THSD7A: variants seen among roughly 807,000 people sequenced by gnomAD.
The protein encoded by THSD7A is thrombospondin type 1 domain containing 7A.
In THSD7A, 96 loss-of-function variants were observed where a neutral mutation model predicts 231.3. The ratio of observed to expected loss-of-function variants is 0.41; its 90% CI spans 0.35 to 0.49. THSD7A has a LOEUF of 0.49. THSD7A is among the 20% of genes least tolerant of loss of function. The pLI, the probability that THSD7A is intolerant of heterozygous loss-of-function variation, is 0.05. For missense variants in THSD7A, 2,290 were observed against 2,070.2 expected (o/e 1.11, Z -2.06); for synonymous variants, 940 against 743.3 (o/e 1.26, Z -4.30).
intron 17 of THSD7A, among the ~76,000 whole-genome samples, chr7:11,414,360 A>C (rs1359255090): frequency 1.3e-5 from 2 of 152,364 alleles, no homozygotes; most frequent in African/African-American, 2.4e-5. Flanking sequence ...AGGGGGCATA[A>C]AGCTCAATTG....
At chr7:11,765,766 T>C (rs914519378) in intron 1 of THSD7A, among the ~76,000 whole-genome samples, 3 of 152,118 alleles carry the variant, frequency 2.0e-5, no homozygotes, top group Admixed American at 6.5e-5. Context: ...AAACTGGTTA[T>C]GGCCCTCTAG....
chr7:11,520,886 C>A (rs535228919), intron 6 of THSD7A, among the ~76,000 whole-genome samples: 1 of 152,078 alleles, frequency 6.6e-6, no homozygotes, highest in African/African-American at 2.4e-5. Flanking sequence ...AGGCAAAGGT[C>A]TCAGAGGTGG....
chr7:11,530,740 T>G (rs1463165623), intron 6 of THSD7A, among the ~76,000 whole-genome samples: 1 of 152,110 alleles, frequency 6.6e-6, no homozygotes, highest in Admixed American at 6.6e-5. Flanking sequence ...CCAGGCATGG[T>G]GGCTCATGCC....
chr7:11,461,487 T>C (rs1785503309), intron 10 of THSD7A, among the ~76,000 whole-genome samples: 1 of 152,166 alleles, frequency 6.6e-6, no homozygotes, highest in Non-Finnish European at 1.5e-5. Context: ...CTCTAACAAA[T>C]TATCAAGATG....
intron 2 of THSD7A, among the ~76,000 whole-genome samples, chr7:11,629,483 C>T (rs1325931224): frequency 6.6e-6 from 1 of 152,102 alleles, no homozygotes; most frequent in East Asian, 1.9e-4. Context: ...TAAAAGCCTG[C>T]TATTTAGAAG....
At chr7:11,554,233 C>A (rs936642966) in intron 4 of THSD7A, among the ~76,000 whole-genome samples, 1 of 151,972 alleles carries the variant, frequency 6.6e-6, no homozygotes, top group South Asian at 2.1e-4. Flanking sequence ...TGAGGTCTTA[C>A]CGGATTAAGG....
At chr7:11,591,008 C>T (rs1584040701) in intron 3 of THSD7A, among the ~76,000 whole-genome samples, 1 of 152,156 alleles carries the variant, frequency 6.6e-6, no homozygotes, top group Non-Finnish European at 1.5e-5. Flanking sequence ...AAATGGGAAA[C>T]ATTCTGAGTG....
chr7:11,756,987 C>T (rs1782699082), intron 1 of THSD7A, among the ~76,000 whole-genome samples: 1 of 151,684 alleles, frequency 6.6e-6, no homozygotes, highest in Admixed American at 6.6e-5. Flanking sequence ...CTCTGGTGTG[C>T]AAGCAGAGCA....
chr7:11,755,814 T>A (rs1233832279), intron 1 of THSD7A, among the ~76,000 whole-genome samples: 2 of 152,040 alleles, frequency 1.3e-5, no homozygotes, highest in Non-Finnish European at 2.9e-5. Context: ...AAATACTGCT[T>A]AGAAACAGAT....
At chr7:11,791,510 T>C (rs1260072958) in intron 1 of THSD7A, among the ~76,000 whole-genome samples, 2 of 152,002 alleles carry the variant, frequency 1.3e-5, no homozygotes, top group African/African-American at 4.8e-5. Flanking sequence ...TTGATCATCA[T>C]ATTTGAAGTT....
chr7:11,710,661 T>C (rs1012932320), intron 1 of THSD7A, among the ~76,000 whole-genome samples: 1 of 150,862 alleles, frequency 6.6e-6, no homozygotes, highest in African/African-American at 2.4e-5. Context: ...GCATGATTGA[T>C]TGAAGTTTGC....
intron 1 of THSD7A, among the ~76,000 whole-genome samples, chr7:11,729,904 C>T (rs1583232967): frequency 6.6e-6 from 1 of 151,734 alleles, no homozygotes; most frequent in South Asian, 2.1e-4. Flanking sequence ...GTTTTAGATG[C>T]ATTTGCTTAA....
chr7:11,558,046 A>G (rs1180390844), intron 4 of THSD7A, among the ~76,000 whole-genome samples: 1 of 152,110 alleles, frequency 6.6e-6, no homozygotes, highest in Non-Finnish European at 1.5e-5. Flanking sequence ...GGCTAGAAAG[A>G]GCAGGAATTT....
At chr7:11,516,374 T>C (rs1032798533) in intron 6 of THSD7A, among the ~76,000 whole-genome samples, 4 of 152,196 alleles carry the variant, frequency 2.6e-5, no homozygotes, top group Admixed American at 2.0e-4. Flanking sequence ...CGAGGAATGA[T>C]TTGGTGAGAA....
chr7:11,536,272 A>G (rs1000303637), intron 6 of THSD7A, among the ~76,000 whole-genome samples: 5 of 152,156 alleles, frequency 3.3e-5, no homozygotes, highest in Admixed American at 3.3e-4. Context: ...CTTTTAGTTT[A>G]TACAACATTT....
At chr7:11,619,976 G>A (rs1781249991) in intron 2 of THSD7A, among the ~76,000 whole-genome samples, 1 of 152,116 alleles carries the variant, frequency 6.6e-6, no homozygotes, top group South Asian at 2.1e-4. Context: ...CTCTAGTTTG[G>A]TCTAGAATTT....
intron 2 of THSD7A, among the ~76,000 whole-genome samples, chr7:11,606,022 T>C (rs1237081596): frequency 2.0e-5 from 3 of 152,146 alleles, no homozygotes; most frequent in Non-Finnish European, 2.9e-5. Context: ...CCTGCCTTTG[T>C]AGTTCAGGAA....
intron 1 of THSD7A, among the ~76,000 whole-genome samples, chr7:11,771,938 G>C (rs1250621786): frequency 6.6e-6 from 1 of 152,182 alleles, no homozygotes; most frequent in Non-Finnish European, 1.5e-5. Context: ...GCCGTGTGAT[G>C]TGTGTGCTCT....
intron 2 of THSD7A, among the ~76,000 whole-genome samples, chr7:11,630,346 A>C (rs1159962131): frequency 6.6e-6 from 1 of 152,258 alleles, no homozygotes; most frequent in African/African-American, 2.4e-5. Context: ...CACTTTAAGA[A>C]GTATTATTCA....
Sources: allele counts gnomAD v4.1 joint callset (sites outside exome capture counted in the v4.1 genomes callset), GRCh38; gene constraint gnomAD v4.1.1; transcripts MANE v1.5; gene names NCBI Gene and HGNC (gene_info 2026-07-23, HGNC 2026-07-21).